Variants in GALNT13 observed in about 807,000 individuals in gnomAD.
The protein encoded by GALNT13 is UDP-GalNAc:polypeptide N-acetylgalactosaminyltransferase 13.
In GALNT13, 28 loss-of-function variants were observed where a neutral mutation model predicts 64.2. The ratio of observed to expected loss-of-function variants is 0.44; its 90% CI spans 0.32 to 0.60. The LOEUF is 0.60. Ranked by LOEUF, GALNT13 falls within the 20% of genes least tolerant of loss-of-function variation. The pLI, the probability that GALNT13 is intolerant of heterozygous loss-of-function variation, is 0.05. For missense variants in GALNT13, 577 were observed against 669.8 expected, an observed-to-expected ratio of 0.86 and a Z score of 1.53; for synonymous variants, 214 against 224.6, an observed-to-expected ratio of 0.95 and a Z score of 0.42.
At chr2:154,168,093 G>T (rs1300603086) in intron 4 of GALNT13, among the ~76,000 whole-genome samples, 3 of 152,120 alleles carry the variant, frequency 2.0e-5, no homozygotes, top group Admixed American at 2.0e-4. Flanking sequence ...TGCAGTATCT[G>T]GCCCAGGCAG....
chr2:153,566,078 T>G, the GALNT13 span, among the ~76,000 whole-genome samples: 1 of 152,146 alleles, frequency 6.6e-6, no homozygotes, highest in African/African-American at 2.4e-5. Flanking sequence ...ATCTTTTAAT[T>G]TAAATAAAAG....
chr2:153,621,654 C>G, the GALNT13 span, among the ~76,000 whole-genome samples: 1 of 152,116 alleles, frequency 6.6e-6, no homozygotes, highest in African/African-American at 2.4e-5. Flanking sequence ...AGGTGACACT[C>G]AAACCCCAAC....
chr2:153,235,065 A>C, the GALNT13 span, among the ~76,000 whole-genome samples: 2 of 152,114 alleles, frequency 1.3e-5, no homozygotes, highest in Non-Finnish European at 2.9e-5. Context: ...GAGCACCATG[A>C]GCTGGACTCA....
At chr2:154,142,642 A>G (rs1250610806) in intron 4 of GALNT13, among the ~76,000 whole-genome samples, 3 of 151,360 alleles carry the variant, frequency 2.0e-5, no homozygotes, top group African/African-American at 4.8e-5. Flanking sequence ...TTTATTTGGT[A>G]TCTTAGCAAC....
chr2:153,871,813 A>G (rs1685960433), upstream of GALNT13: 1 of 148,050 alleles, frequency 6.8e-6, no homozygotes, highest in Non-Finnish European at 1.5e-5. Flanking sequence ...ATACTAGCCC[A>G]GTGAGAGGCC....
chr2:154,315,704 T>C (rs1002105779), intron 9 of GALNT13, among the ~76,000 whole-genome samples: 1 of 152,216 alleles, frequency 6.6e-6, no homozygotes, highest in African/African-American at 2.4e-5. Flanking sequence ...TAAATGATTG[T>C]TATATTTTAC....
chr2:153,460,726 C>T, the GALNT13 span, among the ~76,000 whole-genome samples: 1 of 152,214 alleles, frequency 6.6e-6, no homozygotes, highest in East Asian at 1.9e-4. Flanking sequence ...AAATAAACAA[C>T]AGTGCAGCCC....
At chr2:153,716,826 A>G in the GALNT13 span, among the ~76,000 whole-genome samples, 1 of 152,208 alleles carries the variant, frequency 6.6e-6, no homozygotes, top group African/African-American at 2.4e-5. Flanking sequence ...ACAGCTTTAC[A>G]CTTTTTGGTT....
the GALNT13 span, among the ~76,000 whole-genome samples, chr2:153,657,223 C>A: frequency 2.0e-5 from 3 of 151,828 alleles, no homozygotes; most frequent in East Asian, 5.8e-4. Context: ...GATAGGAAAT[C>A]CGAGGTAAGG....
the GALNT13 span, among the ~76,000 whole-genome samples, chr2:153,223,823 G>A: frequency 6.6e-6 from 1 of 151,752 alleles, no homozygotes. Context: ...TACAAAAATT[G>A]TCCAGGTGTG....
intron 6 of GALNT13, among the ~76,000 whole-genome samples, chr2:154,243,906 G>A (rs1321900251): frequency 6.6e-6 from 1 of 152,178 alleles, no homozygotes; most frequent in Non-Finnish European, 1.5e-5. Flanking sequence ...CCAGGAAGAT[G>A]GATGGAAGCT....
At chr2:153,614,746 A>C in the GALNT13 span, among the ~76,000 whole-genome samples, 4 of 152,122 alleles carry the variant, frequency 2.6e-5, no homozygotes, top group African/African-American at 9.6e-5. Context: ...TTTCATTTTT[A>C]ATTATTGTGG....
rs74381590 is a variant in GALNT13, at chr2:154,018,936, G to A, written c.142+74297G>A. On this transcript the variant is annotated intron_variant, in intron 3 of 12. Coordinates refer to ENST00000392825, the MANE Select transcript of GALNT13 (RefSeq NM_052917.4). ...AGAAGAAAGGAACAGGAGAGATGAA[G>A]GGAGGGAATAGAGAGAAATAACAGG... 6.8e-3 allele frequency among the ~76,000 whole-genome samples: 1,037 copies of A among 152,060 alleles called. 14 individuals are homozygous for A. The highest frequency in any genetic ancestry group is 0.024 in the African/African-American group (997 of 41,468).
chr2:154,195,075 G>A (rs1457624600), intron 4 of GALNT13, among the ~76,000 whole-genome samples: 2 of 151,862 alleles, frequency 1.3e-5, no homozygotes, highest in African/African-American at 4.8e-5. Context: ...CTCTCCCTCT[G>A]TCCATGTGTT....
chr2:153,427,590 T>C, the GALNT13 span, among the ~76,000 whole-genome samples: 3 of 152,026 alleles, frequency 2.0e-5, no homozygotes, highest in Non-Finnish European at 4.4e-5. Context: ...CACAGAGAAA[T>C]ATAGAAAGGA....
the GALNT13 span, among the ~76,000 whole-genome samples, chr2:153,528,024 G>A: frequency 6.6e-6 from 1 of 151,540 alleles, no homozygotes; most frequent in Non-Finnish European, 1.5e-5. Context: ...AAGGGAGGGG[G>A]GACCACAAAA....
At chr2:154,042,714 A>ATC (rs1699050222) in intron 3 of GALNT13, among the ~76,000 whole-genome samples, 1 of 148,032 alleles carries the variant, frequency 6.8e-6, no homozygotes, top group South Asian at 2.1e-4. Context: ...ATATATATAT[A>ATC]TATATATATT....
At chr2:153,736,583 C>A in the GALNT13 span, among the ~76,000 whole-genome samples, 1 of 152,062 alleles carries the variant, frequency 6.6e-6, no homozygotes, top group African/African-American at 2.4e-5. Flanking sequence ...ATATTAGCAC[C>A]CAAACATCCA....
chr2:153,702,814 T>C, the GALNT13 span, among the ~76,000 whole-genome samples: 1 of 152,046 alleles, frequency 6.6e-6, no homozygotes, highest in African/African-American at 2.4e-5. Context: ...AGGACTAAGA[T>C]CTGTAGTAAG....
Sources: gnomAD v4.1 joint callset for allele counts (sites outside exome capture counted in the v4.1 genomes callset) on GRCh38, gnomAD v4.1.1 for gene constraint, MANE v1.5 for transcripts, NCBI Gene and HGNC (gene_info 2026-07-23, HGNC 2026-07-21) for gene names.